The following FHIT variants were observed in gnomAD, a reference collection of about 807,000 sequenced individuals.
FHIT encodes the protein bis(5'-adenosyl)-triphosphatase.
FHIT carries 19 observed loss-of-function variants against 17.9 expected under a neutral mutation model. That is an observed-to-expected ratio of 1.06 (90% CI 0.74 to 1.56). FHIT has a LOEUF of 1.56. Among genes scored for constraint, FHIT ranks in the 40% most tolerant of loss-of-function variants. FHIT has a pLI of 0.00. For missense variants in FHIT, 248 were observed against 189.2 expected, an observed-to-expected ratio of 1.31 and a Z score of -1.82; for synonymous variants, 81 against 69.7, an observed-to-expected ratio of 1.16 and a Z score of -0.81.
intron 8 of FHIT, among the ~76,000 whole-genome samples, chr3:59,784,780 A>G (rs996535412): frequency 3.3e-5 from 5 of 152,186 alleles, no homozygotes; most frequent in African/African-American, 4.8e-5. Flanking sequence ...AGGCTCCAAC[A>G]TAGAATCTAG....
chr3:61,003,786 C>A (rs1214063835), intron 3 of FHIT, among the ~76,000 whole-genome samples: 1 of 152,180 alleles, frequency 6.6e-6, no homozygotes, highest in Non-Finnish European at 1.5e-5. Context: ...TTGCAATTGC[C>A]CATGCCTTCC....
At chr3:60,158,588 A>C (rs904519084) in intron 5 of FHIT, among the ~76,000 whole-genome samples, 5 of 152,178 alleles carry the variant, frequency 3.3e-5, no homozygotes, top group African/African-American at 1.2e-4. Flanking sequence ...CTGGGATTAC[A>C]GGCGTAAGCC....
rs191440702 is a variant in FHIT, at chr3:60,988,583, G to A, written c.-111+53464C>T. Among the ~76,000 whole-genome samples the A allele has an allele frequency of 4.9e-4, 75 of 152,262 alleles. No individual in the cohort carries two copies. In the East Asian group the frequency reaches 0.014, roughly 29 times the overall value. ...TCCAGCTGAGATTTTAAGGGCAAAT[G>A]AGAGCTGACGAGCAGCACAGAAGGG... On this transcript the variant is annotated intron_variant, in intron 3 of 9. Transcript: ENST00000492590.
intron 4 of FHIT, among the ~76,000 whole-genome samples, chr3:60,537,235 C>G (rs241697): frequency 6.6e-6 from 1 of 151,656 alleles, no homozygotes; most frequent in African/African-American, 2.4e-5. Flanking sequence ...AATAAAACAG[C>G]TTTTCCCCTT....
At chr3:61,042,283 GAAGTA>G (rs369977953) in intron 2 of FHIT, among the ~76,000 whole-genome samples, 184 bp from the exon 3 acceptor site, 47 of 152,304 alleles carry the variant, frequency 3.1e-4, no homozygotes, top group African/African-American at 1.1e-3. Flanking sequence ...GTTAATTAAT[GAAGTA>G]AATTAAATGG....
chr3:60,711,435 G>C (rs2041528806), intron 4 of FHIT, among the ~76,000 whole-genome samples: 2 of 152,332 alleles, frequency 1.3e-5, no homozygotes, highest in Middle Eastern at 3.4e-3. Context: ...GAATGACTTT[G>C]ACAAGTTGAG....
At chr3:61,160,429 G>A (rs2037655096) in intron 2 of FHIT, among the ~76,000 whole-genome samples, 1 of 152,198 alleles carries the variant, frequency 6.6e-6, no homozygotes, top group African/African-American at 2.4e-5. Flanking sequence ...TACTCTGTAA[G>A]CGACAAGGAA....
rs1700832081 is a variant in FHIT at position 59,750,462 on chromosome 3, A to T, written c.*6-883T>A. 1.8e-5 allele frequency: 4 copies of T among 223,402 alleles called. No homozygotes were observed. In the Admixed American group the frequency reaches 2.3e-4, roughly 13 times the overall value. The allele number at this position is 223,402 out of a possible 1,614,324, so 13.8% of individuals were successfully genotyped here. A position where few individuals can be genotyped will look rare whatever the true frequency, so the allele number is the denominator to read the frequency against. ...CAGAAAGAGGTTTGTAGTCATGCCCATAGGCCTATGTTCTTAGGTAAACTA... is the reference window on the plus strand; with the variant it reads ...CAGAAAGAGGTTTGTAGTCATGCCCTTAGGCCTATGTTCTTAGGTAAACTA... On this transcript the variant is annotated intron_variant, in intron 9 of 9. Transcript: ENST00000492590.
intron 8 of FHIT, among the ~76,000 whole-genome samples, chr3:59,844,180 T>C (rs1701632298): frequency 1.3e-5 from 2 of 152,180 alleles, no homozygotes; most frequent in African/African-American, 4.8e-5. Flanking sequence ...CATTTCTTTA[T>C]AAATTACTCT....
At chr3:60,437,012 A>C (rs1395407032) in intron 5 of FHIT, among the ~76,000 whole-genome samples, 1 of 152,038 alleles carries the variant, frequency 6.6e-6, no homozygotes, top group Non-Finnish European at 1.5e-5. Context: ...CCTAACAAGC[A>C]CCTCGTATTT....
intron 4 of FHIT, among the ~76,000 whole-genome samples, chr3:60,736,742 T>C (rs75933319): frequency 6.6e-6 from 1 of 152,242 alleles, no homozygotes; most frequent in Non-Finnish European, 1.5e-5. Flanking sequence ...TTTGTATTTA[T>C]ACTAAAACCA....
chr3:60,506,225 T>C (rs995345357), intron 5 of FHIT, among the ~76,000 whole-genome samples: 4 of 152,146 alleles, frequency 2.6e-5, no homozygotes, highest in Non-Finnish European at 1.5e-5. Flanking sequence ...ATAGCACACA[T>C]GGTTGATGTC....
At chr3:59,823,211 A>G (rs1276715358) in intron 8 of FHIT, among the ~76,000 whole-genome samples, 1 of 152,114 alleles carries the variant, frequency 6.6e-6, no homozygotes, top group Non-Finnish European at 1.5e-5. Context: ...AGTATAGTTC[A>G]AAGTCAAGTA....
At chr3:60,438,427 T>C (rs2030476801) in intron 5 of FHIT, among the ~76,000 whole-genome samples, 1 of 152,016 alleles carries the variant, frequency 6.6e-6, no homozygotes, top group African/African-American at 2.4e-5. Context: ...AAACTCCCTA[T>C]TGCCAGTCTT....
intron 3 of FHIT, among the ~76,000 whole-genome samples, chr3:60,840,606 T>C (rs1702693075): frequency 6.6e-6 from 1 of 152,060 alleles, no homozygotes; most frequent in Admixed American, 6.5e-5. Context: ...AGGTAAAGAG[T>C]GTCTGTGTTT....
At chr3:60,860,511 GA>G (rs1393980976) in intron 3 of FHIT, among the ~76,000 whole-genome samples, 5 of 116,472 alleles carry the variant, frequency 4.3e-5, no homozygotes, top group African/African-American at 1.1e-4. Context: ...AGGTATATAT[GA>G]TACATATGTA....
At chr3:60,276,186 C>T (rs867850938) in intron 5 of FHIT, among the ~76,000 whole-genome samples, 1 of 152,034 alleles carries the variant, frequency 6.6e-6, no homozygotes, top group African/African-American at 2.4e-5. Flanking sequence ...CCGGGTTTCA[C>T]TGTGTTAGCC....
chr3:59,795,993 T>A (rs79974645), intron 8 of FHIT, among the ~76,000 whole-genome samples: 3,298 of 152,260 alleles, frequency 0.022, 118 homozygotes, highest in African/African-American at 0.072. Flanking sequence ...TGTGGTTTTA[T>A]CCCTGGTCTT....
At chr3:60,588,941 A>C (rs1370593737) in intron 4 of FHIT, among the ~76,000 whole-genome samples, 1 of 152,022 alleles carries the variant, frequency 6.6e-6, no homozygotes, top group African/African-American at 2.4e-5. Context: ...AATTGGTCAT[A>C]AATATGATGA....
Sources: gnomAD v4.1 joint callset for allele counts (sites outside exome capture counted in the v4.1 genomes callset) on GRCh38, gnomAD v4.1.1 for gene constraint, MANE v1.5 for transcripts, NCBI Gene and HGNC (gene_info 2026-07-23, HGNC 2026-07-21) for gene names.